The following NTRK2 variants were observed in gnomAD, a reference collection of about 807,000 sequenced individuals.
The protein encoded by NTRK2 is BDNF/NT-3 growth factors receptor.
NTRK2 carries 13 observed loss-of-function variants against 94.5 expected under a neutral mutation model. The ratio of observed to expected loss-of-function variants is 0.14; its 90% CI spans 0.09 to 0.22. The LOEUF is 0.22. Among genes scored for constraint, NTRK2 ranks in the 10% least tolerant of loss-of-function variants. The probability of loss-of-function intolerance (pLI) is 1.00; values close to 1 mark genes in which losing one functional copy is unlikely to be tolerated. For missense variants in NTRK2, 639 were observed against 1,071.2 expected (o/e 0.60, Z 5.63); for synonymous variants, 372 against 407.4 (o/e 0.91, Z 1.05).
chr9:84,790,202 A>G (rs939722788), intron 12 of NTRK2, among the ~76,000 whole-genome samples: 4 of 152,224 alleles, frequency 2.6e-5, no homozygotes, highest in Non-Finnish European at 5.9e-5. Flanking sequence ...GTTTAAAAAA[A>G]TGAAGTGCCT....
chr9:84,791,247 T>G (rs186199277), intron 12 of NTRK2, among the ~76,000 whole-genome samples: 2 of 152,324 alleles, frequency 1.3e-5, no homozygotes, highest in East Asian at 3.9e-4. Flanking sequence ...CAAAGTCCTC[T>G]CATTACTTGA....
At position 84,934,383 on chromosome 9, in the gene NTRK2, C is replaced by A. The variant is rs1455569418; in HGVS notation, c.1764+91C>A. The A allele has an allele frequency of 2.2e-6, 3 of 1,392,082 alleles. No homozygotes were observed. The African/African-American group carries it at 4.3e-5, about 20-fold the overall frequency. The allele number at this position is 1,392,082 out of a possible 1,614,324, so 86.2% of individuals were successfully genotyped here. A position where few individuals can be genotyped will look rare whatever the true frequency, so the allele number is the denominator to read the frequency against. ...TTTTATTATATTTTGGTGGCCAATG[C>A]AGGAGTAAATTGTTCCTGCTATGAT... On this transcript the variant is annotated intron_variant, in intron 15 of 18. Transcript: ENST00000277120.
chr9:84,879,365 A>G (rs775001216), intron 14 of NTRK2, among the ~76,000 whole-genome samples: 3 of 152,178 alleles, frequency 2.0e-5, no homozygotes, highest in Non-Finnish European at 4.4e-5. Flanking sequence ...TTGGAGGTGT[A>G]TGATACATTT....
chr9:84,927,935 T>G (rs1212078087), intron 14 of NTRK2, among the ~76,000 whole-genome samples: 14 of 152,178 alleles, frequency 9.2e-5, no homozygotes, highest in Admixed American at 9.2e-4. Context: ...TTAACTGAGG[T>G]GTCATCTGTA....
chr9:84,943,491 C>T (rs2078484400), intron 15 of NTRK2, among the ~76,000 whole-genome samples: 1 of 152,196 alleles, frequency 6.6e-6, no homozygotes, highest in African/African-American at 2.4e-5. Flanking sequence ...GAGGAGCCCT[C>T]TCCCTTAAGA....
At chr9:84,769,945 C>T (rs1232779277) in intron 12 of NTRK2, among the ~76,000 whole-genome samples, 1 of 152,156 alleles carries the variant, frequency 6.6e-6, no homozygotes, top group Non-Finnish European at 1.5e-5. Flanking sequence ...AGAGGTGACA[C>T]AGACACGTTT....
intron 17 of NTRK2, among the ~76,000 whole-genome samples, chr9:85,015,328 C>T (rs1307684893): frequency 1.3e-5 from 2 of 152,000 alleles, no homozygotes; most frequent in African/African-American, 4.8e-5. Flanking sequence ...TCCTTGTGAA[C>T]CACAGTAGAT....
At chr9:84,797,820 TA>T (rs1297083815) in intron 12 of NTRK2, among the ~76,000 whole-genome samples, 1 of 89,336 alleles carries the variant, frequency 1.1e-5, no homozygotes, top group Non-Finnish European at 2.1e-5. Flanking sequence ...TTATATATTA[TA>T]TATACTATAA....
At chr9:84,897,046 A>G (rs914678216) in intron 14 of NTRK2, among the ~76,000 whole-genome samples, 1 of 152,154 alleles carries the variant, frequency 6.6e-6, no homozygotes, top group Admixed American at 6.5e-5. Flanking sequence ...ATATGAGGCA[A>G]CCAAAGCCCA....
intron 6 of NTRK2, among the ~76,000 whole-genome samples, chr9:84,714,850 T>C (rs1238850197): frequency 1.3e-5 from 2 of 152,236 alleles, no homozygotes; most frequent in East Asian, 3.8e-4. Flanking sequence ...TTTAGCTAAC[T>C]CTGAATCAGT....
chr9:84,924,668 T>G (rs1456876651), intron 14 of NTRK2, among the ~76,000 whole-genome samples: 1 of 152,222 alleles, frequency 6.6e-6, no homozygotes, highest in Non-Finnish European at 1.5e-5. Context: ...GCTTGAAAGA[T>G]TTCTGGGGCT....
rs116342757 is a variant in NTRK2, at chr9:84,786,515, T to G, written c.1396+34430T>G. Among the ~76,000 whole-genome samples the G allele has an allele frequency of 9.0e-3, 1,371 of 152,322 alleles. 23 individuals carry two copies. The highest frequency in any genetic ancestry group is 0.031 in the African/African-American group (1,280 of 41,576). On this transcript the variant is annotated intron_variant, in intron 12 of 18. Coordinates refer to ENST00000277120, the MANE Select transcript of NTRK2 (RefSeq NM_006180.6). ...TTATTTTGATCCATCTGTCTCTACTTCTGGTTCCTTTTTGCTGTTTTTCTC... is the reference window on the plus strand; with the variant it reads ...TTATTTTGATCCATCTGTCTCTACTGCTGGTTCCTTTTTGCTGTTTTTCTC...
chr9:84,948,255 G>T (rs867474162), intron 15 of NTRK2, among the ~76,000 whole-genome samples: 1 of 152,212 alleles, frequency 6.6e-6, no homozygotes, highest in South Asian at 2.1e-4. Flanking sequence ...GTAACCTAAT[G>T]AGAGAACCTC....
At chr9:84,871,478 T>C (rs2075864027) in intron 14 of NTRK2, among the ~76,000 whole-genome samples, 2 of 152,226 alleles carry the variant, frequency 1.3e-5, no homozygotes, top group South Asian at 4.1e-4. Flanking sequence ...TAAAAACACC[T>C]TATTTTATAA....
At chr9:84,828,012 T>C (rs1564359703) in intron 12 of NTRK2, among the ~76,000 whole-genome samples, 1 of 152,340 alleles carries the variant, frequency 6.6e-6, no homozygotes, top group East Asian at 1.9e-4. Context: ...AGCCTTTCTT[T>C]TGAAACTTGC....
At chr9:84,919,188 T>C (rs1564463731) in intron 14 of NTRK2, among the ~76,000 whole-genome samples, 1 of 152,218 alleles carries the variant, frequency 6.6e-6, no homozygotes, top group Non-Finnish European at 1.5e-5. Context: ...CCCATTCAGA[T>C]AAATACATTT....
At chr9:84,709,260 G>A (rs934722082) in intron 5 of NTRK2, among the ~76,000 whole-genome samples, 5 of 152,198 alleles carry the variant, frequency 3.3e-5, no homozygotes, top group East Asian at 1.9e-4. Flanking sequence ...CACCAGTGTT[G>A]TGTTGTCATA....
At chr9:84,965,914 T>G (rs1443687234) in intron 17 of NTRK2, among the ~76,000 whole-genome samples, 3 of 152,200 alleles carry the variant, frequency 2.0e-5, no homozygotes, top group Non-Finnish European at 4.4e-5. Flanking sequence ...TATGAGAGAC[T>G]AGAAAACTCC....
At chr9:84,676,639 C>T (rs914846632) in intron 2 of NTRK2, among the ~76,000 whole-genome samples, 5 of 152,248 alleles carry the variant, frequency 3.3e-5, no homozygotes, top group Admixed American at 3.3e-4. Context: ...GAAGCTCCTT[C>T]TCCTAGCATC....
Sources: gnomAD v4.1 joint callset for allele counts (sites outside exome capture counted in the v4.1 genomes callset) on GRCh38, gnomAD v4.1.1 for gene constraint, MANE v1.5 for transcripts, NCBI Gene and HGNC (gene_info 2026-07-23, HGNC 2026-07-21) for gene names.